Variants in DSCAM observed in about 807,000 individuals in gnomAD.
DSCAM encodes DS cell adhesion molecule, also known as cell adhesion molecule DSCAM.
In DSCAM, 47 loss-of-function variants were observed where a neutral mutation model predicts 217.7. That is an observed-to-expected ratio of 0.22 (90% CI 0.17 to 0.28). The LOEUF is 0.28. Among genes scored for constraint, DSCAM ranks in the 10% least tolerant of loss-of-function variants. DSCAM has a pLI of 1.00. For missense variants in DSCAM, 2,080 were observed against 2,618.3 expected, an observed-to-expected ratio of 0.79 and a Z score of 4.49; for synonymous variants, 1,056 against 1,015.3, an observed-to-expected ratio of 1.04 and a Z score of -0.76.
At chr21:40,133,601 CA>C (rs951195507) in intron 19 of DSCAM, among the ~76,000 whole-genome samples, 25 of 107,500 alleles carry the variant, frequency 2.3e-4, no homozygotes, top group African/African-American at 7.5e-4. Context: ...AATACTTGGC[CA>C]AAAAAAACAA....
At chr21:40,627,952 A>G (rs1004498584) in intron 3 of DSCAM, among the ~76,000 whole-genome samples, 1 of 152,134 alleles carries the variant, frequency 6.6e-6, no homozygotes, top group Non-Finnish European at 1.5e-5. Context: ...GGTAGAAGGA[A>G]ACTTGAAGAC....
Position 40,646,282 on chromosome 21 carries a change from G to A in DSCAM, c.508+46528C>T, listed in dbSNP as rs1480230073. Among the ~76,000 whole-genome samples the A allele has an allele frequency of 1.3e-5, 2 of 152,000 alleles. 1 individual carries two copies. Among genetic ancestry groups the A allele is most frequent in the Non-Finnish European group, 2.9e-5 (2 of 68,010 alleles). ...ATACAAAAATTAGCTGGGTGTGGTGGCATGCACCTGTAGTCTCAACTACTT... is the reference window on the plus strand; with the variant it reads ...ATACAAAAATTAGCTGGGTGTGGTGACATGCACCTGTAGTCTCAACTACTT... On this transcript the variant is annotated intron_variant, in intron 3 of 32. Transcript: ENST00000400454.
intron 11 of DSCAM, among the ~76,000 whole-genome samples, chr21:40,264,537 G>A (rs866544338): frequency 2.0e-5 from 3 of 152,010 alleles, no homozygotes; most frequent in Non-Finnish European, 4.4e-5. Flanking sequence ...CAACACACTA[G>A]GCACAGAAGG....
chr21:40,234,570 C>T (rs190872096), intron 11 of DSCAM, among the ~76,000 whole-genome samples: 195 of 152,272 alleles, frequency 1.3e-3, no homozygotes, highest in African/African-American at 4.5e-3. Context: ...ACCATTCTAA[C>T]TCCTGTCTAT....
Position 40,482,450 on chromosome 21 carries a change from T to A in DSCAM, c.509-113205A>T, listed in dbSNP as rs1037746160. ...GCTCTCTGCCCCTTCTAGACTCAAC[T>A]TTTTTATTTTTATTTTTTAATATAG... On this transcript the variant is annotated intron_variant, in intron 3 of 32. Coordinates refer to ENST00000400454, the MANE Select transcript of DSCAM (RefSeq NM_001389.5). Among the ~76,000 whole-genome samples, 6 of 152,314 alleles carry A rather than the reference T, an allele frequency of 3.9e-5. No homozygotes were observed. The East Asian group carries it at 1.2e-3, about 29-fold the overall frequency.
intron 18 of DSCAM, among the ~76,000 whole-genome samples, chr21:40,136,234 T>C (rs2090207505): frequency 6.6e-6 from 1 of 152,236 alleles, no homozygotes; most frequent in African/African-American, 2.4e-5. Flanking sequence ...GATTGGAAAT[T>C]CTCATCTCTG....
chr21:40,205,368 C>T (rs2091113123), intron 11 of DSCAM, among the ~76,000 whole-genome samples: 1 of 152,086 alleles, frequency 6.6e-6, no homozygotes, highest in South Asian at 2.1e-4. Context: ...TTTGGGAGGC[C>T]AAGGCAGGCA....
intron 3 of DSCAM, among the ~76,000 whole-genome samples, chr21:40,448,742 G>A (rs1365228837): frequency 6.6e-6 from 1 of 151,860 alleles, no homozygotes; most frequent in Non-Finnish European, 1.5e-5. Flanking sequence ...TTGTTTTTAG[G>A]AGTATATTCT....
At chr21:40,836,342 C>T (rs997293289) in intron 1 of DSCAM, among the ~76,000 whole-genome samples, 1 of 152,158 alleles carries the variant, frequency 6.6e-6, no homozygotes, top group African/African-American at 2.4e-5. Context: ...ATCAAATACG[C>T]TAACAGGAAG....
intron 3 of DSCAM, among the ~76,000 whole-genome samples, chr21:40,573,859 C>T (rs1207602651): frequency 7.2e-5 from 11 of 152,076 alleles, no homozygotes; most frequent in Non-Finnish European, 2.9e-5. Context: ...CAACTTTATG[C>T]CATTAAAGAT....
intron 32 of DSCAM, among the ~76,000 whole-genome samples, chr21:40,036,158 C>G (rs2088618240): frequency 1.4e-5 from 2 of 141,844 alleles, no homozygotes; most frequent in Admixed American, 7.0e-5. Flanking sequence ...CAAGAAATAA[C>G]TAAAATCAGA....
chr21:40,082,288 A>G (rs2089473173), intron 24 of DSCAM, among the ~76,000 whole-genome samples: 1 of 152,150 alleles, frequency 6.6e-6, no homozygotes, highest in Non-Finnish European at 1.5e-5. Context: ...GTGAAACCCC[A>G]TCTCTACTAA....
At chr21:40,245,153 A>C (rs762956520) in intron 11 of DSCAM, among the ~76,000 whole-genome samples, 14 of 152,216 alleles carry the variant, frequency 9.2e-5, no homozygotes, top group Non-Finnish European at 1.9e-4. Flanking sequence ...AGCACAATTT[A>C]TTGGCACTTG....
intron 3 of DSCAM, among the ~76,000 whole-genome samples, chr21:40,664,339 G>A (rs1347490964): frequency 6.6e-6 from 1 of 152,170 alleles, no homozygotes. Flanking sequence ...TTCATTTATT[G>A]TTATCAAGGC....
chr21:40,793,243 T>G (rs1448947287), intron 1 of DSCAM, among the ~76,000 whole-genome samples: 1 of 152,126 alleles, frequency 6.6e-6, no homozygotes, highest in Admixed American at 6.5e-5. Context: ...AAGAAGTGGC[T>G]GGCTGGAGGC....
At chr21:40,018,025 C>A (rs200501006) in intron 32 of DSCAM, among the ~76,000 whole-genome samples, 1 of 22,734 alleles carries the variant, frequency 4.4e-5, no homozygotes, top group South Asian at 1.5e-3. Context: ...TAGCTTTGTT[C>A]CTGAAAGAAT....
At chr21:40,801,975 A>C (rs188809240) in intron 1 of DSCAM, among the ~76,000 whole-genome samples, 1 of 152,284 alleles carries the variant, frequency 6.6e-6, no homozygotes, top group Admixed American at 6.5e-5. Flanking sequence ...TTACCAGGGT[A>C]ATATCTAATG....
chr21:40,268,723 C>T (rs1363100224), intron 11 of DSCAM, among the ~76,000 whole-genome samples: 1 of 151,942 alleles, frequency 6.6e-6, no homozygotes, highest in Non-Finnish European at 1.5e-5. Context: ...CCAAGGCAGG[C>T]AGATCAACTG....
intron 16 of DSCAM, among the ~76,000 whole-genome samples, chr21:40,154,634 A>G (rs954249476): frequency 2.0e-5 from 3 of 152,122 alleles, no homozygotes; most frequent in African/African-American, 7.2e-5. Flanking sequence ...AGGTCTCATA[A>G]TGGGTAGATG....
Sources: gnomAD v4.1 joint callset for allele counts (sites outside exome capture counted in the v4.1 genomes callset) on GRCh38, gnomAD v4.1.1 for gene constraint, MANE v1.5 for transcripts, NCBI Gene and HGNC (gene_info 2026-07-23, HGNC 2026-07-21) for gene names.